Variants in CREB5 observed in about 807,000 individuals in gnomAD.
CREB5 encodes the protein cyclic AMP-responsive element-binding protein 5.
Under a neutral mutation model 57.1 loss-of-function variants are expected in CREB5, and 19 were observed. The ratio of observed to expected loss-of-function variants is 0.33; its 90% confidence interval spans 0.23 to 0.49. The LOEUF (loss-of-function observed/expected upper bound fraction) is 0.49. Among genes scored for constraint, CREB5 ranks in the 20% least tolerant of loss-of-function variants. CREB5 has a pLI of 0.99. For synonymous variants in CREB5, 238 were observed against 238.3 expected (o/e 1.00, Z 0.01); for missense variants, 579 against 671.6 (o/e 0.86, Z 1.52).
chr7:28,428,861 C>T (rs574382662), intron 1 of CREB5, among the ~76,000 whole-genome samples: 1 of 152,164 alleles, frequency 6.6e-6, no homozygotes, highest in Admixed American at 6.5e-5. Flanking sequence ...ATCAGGTCCT[C>T]ACAGGGACCA....
intron 5 of CREB5, among the ~76,000 whole-genome samples, chr7:28,659,615 A>C (rs956068347): frequency 5.3e-5 from 8 of 152,180 alleles, no homozygotes; most frequent in African/African-American, 1.9e-4. Context: ...AATTATTTTT[A>C]GTTTTTAAGC....
chr7:28,629,193 C>T (rs990501673), intron 5 of CREB5, among the ~76,000 whole-genome samples: 1 of 152,204 alleles, frequency 6.6e-6, no homozygotes, highest in Non-Finnish European at 1.5e-5. Context: ...TAGCCCATAG[C>T]AAGCACTCAA....
At chr7:28,443,171 A>G (rs774988604) in intron 1 of CREB5, among the ~76,000 whole-genome samples, 5 of 152,174 alleles carry the variant, frequency 3.3e-5, no homozygotes, top group African/African-American at 4.8e-5. Context: ...TTTATTACTC[A>G]TGGCCAGCAA....
chr7:28,497,246 G>C (rs74826751), intron 3 of CREB5, among the ~76,000 whole-genome samples: 1 of 152,184 alleles, frequency 6.6e-6, no homozygotes, highest in African/African-American at 2.4e-5. Context: ...CTGAAAAAGA[G>C]CAGCTGAAGA....
chr7:28,580,595 G>C (rs962583160), intron 5 of CREB5, among the ~76,000 whole-genome samples: 2 of 104,084 alleles, frequency 1.9e-5, no homozygotes, highest in Admixed American at 1.0e-4. Context: ...GTGTGTGTGA[G>C]AGAGAGATAG....
intron 7 of CREB5, among the ~76,000 whole-genome samples, chr7:28,762,778 A>G (rs1805734170): frequency 6.6e-6 from 1 of 151,896 alleles, no homozygotes. Context: ...CCTCGATACA[A>G]TATGAAACTG....
At chr7:28,594,544 T>G (rs1364966400) in intron 5 of CREB5, among the ~76,000 whole-genome samples, 1 of 152,190 alleles carries the variant, frequency 6.6e-6, no homozygotes, top group Non-Finnish European at 1.5e-5. Context: ...CCAGGCTGAC[T>G]CTGGCTCATT....
chr7:28,402,355 C>T (rs1276108519), intron 1 of CREB5, among the ~76,000 whole-genome samples: 3 of 152,128 alleles, frequency 2.0e-5, no homozygotes, highest in African/African-American at 4.8e-5. Context: ...AAAGAGCCCG[C>T]ATTGCCAAGA....
intron 5 of CREB5, among the ~76,000 whole-genome samples, chr7:28,653,463 C>A (rs1377669324): frequency 6.6e-6 from 1 of 152,090 alleles, no homozygotes; most frequent in Non-Finnish European, 1.5e-5. Context: ...TTATTTTATC[C>A]CTTTAGAAGT....
intron 1 of CREB5, among the ~76,000 whole-genome samples, chr7:28,369,414 C>T (rs927162862): frequency 2.0e-5 from 3 of 152,186 alleles, no homozygotes; most frequent in African/African-American, 7.2e-5. Context: ...TCAAAAGAGG[C>T]TTTTCAAGGA....
intron 5 of CREB5, among the ~76,000 whole-genome samples, chr7:28,665,113 G>T (rs1057209216): frequency 1.2e-4 from 18 of 152,168 alleles, no homozygotes; most frequent in South Asian, 6.2e-4. Context: ...TTGCGATAAG[G>T]AGGTTATCTC....
At chr7:28,560,895 TGCGTGCGCGC>T (rs1562797594) in intron 4 of CREB5, among the ~76,000 whole-genome samples, 7 of 26,652 alleles carry the variant, frequency 2.6e-4, no homozygotes, top group South Asian at 2.9e-3. Context: ...TGCGTGTGTG[TGCGTGCGCGC>T]GTGCGTGTGC....
chr7:28,530,073 G>A (rs549946862), intron 4 of CREB5, among the ~76,000 whole-genome samples: 1 of 152,250 alleles, frequency 6.6e-6, no homozygotes, highest in East Asian at 1.9e-4. Context: ...GGCAGAGCTG[G>A]GATTTAAACT....
chr7:28,701,225 A>G (rs1801842234), intron 5 of CREB5, among the ~76,000 whole-genome samples: 1 of 152,178 alleles, frequency 6.6e-6, no homozygotes, highest in Non-Finnish European at 1.5e-5. Flanking sequence ...GGCGCAGGGA[A>G]GACAAGTCTA....
intron 5 of CREB5, among the ~76,000 whole-genome samples, chr7:28,598,334 C>T (rs1055095193): frequency 1.3e-5 from 2 of 152,160 alleles, no homozygotes; most frequent in Non-Finnish European, 2.9e-5. Flanking sequence ...CCAATTAAAC[C>T]TCTTTTTCTT....
intron 5 of CREB5, among the ~76,000 whole-genome samples, chr7:28,704,572 C>T (rs1278020184): frequency 6.6e-6 from 1 of 152,056 alleles, no homozygotes; most frequent in Non-Finnish European, 1.5e-5. Flanking sequence ...GATCCTCCCA[C>T]CTTAGCCTCC....
chr7:28,544,728 A>G (rs1227991731), intron 4 of CREB5, among the ~76,000 whole-genome samples: 1 of 152,178 alleles, frequency 6.6e-6, no homozygotes, highest in Non-Finnish European at 1.5e-5. Context: ...ACCTTTGGGA[A>G]GCACACTGTT....
At chr7:28,598,039 G>C (rs1486562946) in intron 5 of CREB5, among the ~76,000 whole-genome samples, 1 of 152,076 alleles carries the variant, frequency 6.6e-6, no homozygotes, top group Non-Finnish European at 1.5e-5. Flanking sequence ...ACATGTAAGA[G>C]AAGACATGTG....
chr7:28,509,273 G>C (rs559589101), intron 4 of CREB5, among the ~76,000 whole-genome samples: 58 of 152,318 alleles, frequency 3.8e-4, no homozygotes, highest in South Asian at 3.7e-3. Flanking sequence ...GAACAGTTTC[G>C]TGAAGCCCGT....
Sources: allele counts gnomAD v4.1 joint callset (sites outside exome capture counted in the v4.1 genomes callset), GRCh38; gene constraint gnomAD v4.1.1; transcripts MANE v1.5; gene names NCBI Gene and HGNC (gene_info 2026-07-23, HGNC 2026-07-21).